YTHDF2: variants seen among roughly 807,000 people sequenced by gnomAD.
YTHDF2 encodes the protein YTH domain-containing family protein 2.
YTHDF2 carries 2 observed loss-of-function variants against 50.4 expected under a neutral mutation model. The ratio of observed to expected loss-of-function variants is 0.04; its 90% CI spans 0.02 to 0.12. The LOEUF (loss-of-function observed/expected upper bound fraction) is 0.12, where lower values mean the gene tolerates loss of function less well. YTHDF2 is among the 10% of genes least tolerant of loss of function. The pLI is 1.00. For missense variants in YTHDF2, 483 were observed against 722.6 expected (o/e 0.67, Z 3.80); for synonymous variants, 217 against 255.6 (o/e 0.85, Z 1.44).
In YTHDF2 at chr1:28,769,054, C is replaced by G; in HGVS notation, c.*102C>G. Reference sequence around the variant, plus strand: ...AGGACTTTTTTCTTAATTTCACTGACTTCAGAGACGATTGCAGACTTGCAG... The same window carrying G: ...AGGACTTTTTTCTTAATTTCACTGAGTTCAGAGACGATTGCAGACTTGCAG... On this transcript the variant is annotated 3_prime_UTR_variant, in exon 5 of 5. Transcript: ENST00000373812. The G allele has an allele frequency of 1.0e-6, 1 of 987,370 alleles. No individual in the cohort carries two copies. The highest frequency in any genetic ancestry group is 1.4e-6 in the Non-Finnish European group (1 of 693,022). The allele number at this position is 987,370 out of a possible 1,614,324, so 61.2% of individuals were successfully genotyped here. A position where few individuals can be genotyped will look rare whatever the true frequency, so the allele number is the denominator to read the frequency against.
At position 28,743,346 on chromosome 1, in the gene YTHDF2, G is replaced by T; in HGVS notation, c.1076G>T (p.Ser359Ile). Residue 359 changes from serine (S) to isoleucine (I), a missense_variant, in exon 4 of 5, where the codon AGT (serine) becomes ATT (isoleucine). By Grantham distance (142) the Ser-to-Ile change is moderately radical. This residue lies in a region of YTHDF2 where 385 missense variants were observed against 475.8 expected (regional missense o/e 0.81). Transcript: ENST00000373812. The surrounding 1 kb of genome is among the most constrained non-coding windows in gnomAD (Gnocchi z 6.9). ...TGGGTAGCACCTCGGAACCGTGGCA[G>T]TGGGTTCGGTCATAATGGGGTGGAT... The part of the protein sequence containing the change: ...TRWVAPRNRG[S>I]GFGHNGVDGN... The T allele has an allele frequency of 1.2e-6, 2 of 1,614,226 alleles. No individual in the cohort carries two copies. The highest frequency in any genetic ancestry group is 1.7e-6 in the Non-Finnish European group (2 of 1,180,044).
At position 28,737,060 on chromosome 1, in the gene YTHDF2, G is replaced by A; in HGVS notation, c.-61G>A. ...CTGCTCCCGCAGACGGGGCTCATCT[G>A]CCGCCGCCGCCGCGCTGAGGAGAGT... On this transcript the variant is annotated 5_prime_UTR_variant, in exon 1 of 5. Transcript: ENST00000373812. The A allele has an allele frequency of 2.8e-6, 4 of 1,420,864 alleles. No homozygotes were observed. Among genetic ancestry groups the A allele is most frequent in the Middle Eastern group, 2.1e-4 (1 of 4,816 alleles). 88.0% of individuals were successfully genotyped at this position (1,420,864 alleles called of 1,614,324 possible). A position where few individuals can be genotyped will look rare whatever the true frequency, so the allele number is the denominator to read the frequency against.
chr1:28,741,038 G>C (rs1375489877), intron 3 of YTHDF2, among the ~76,000 whole-genome samples: 1 of 147,028 alleles, frequency 6.8e-6, no homozygotes, highest in Non-Finnish European at 1.5e-5. Context: ...TTGCTCTGTT[G>C]CCCAGGCTGC....
At chr1:28,749,994 T>TG (rs1343837822) in intron 4 of YTHDF2, among the ~76,000 whole-genome samples, 2 of 143,582 alleles carry the variant, frequency 1.4e-5, no homozygotes, top group East Asian at 4.0e-4. Flanking sequence ...TTGTTTTTTT[T>TG]TTTTTTTTTT....
chr1:28,741,887 T>C (rs1466882555), intron 3 of YTHDF2, among the ~76,000 whole-genome samples: 1 of 152,238 alleles, frequency 6.6e-6, no homozygotes, highest in Non-Finnish European at 1.5e-5. Flanking sequence ...TGTGAAATGC[T>C]AAGTTTTCTC....
At position 28,737,022 on chromosome 1, in the gene YTHDF2, C is replaced by G. The variant is rs2087698206; in HGVS notation, c.-99C>G. ...CGCCGAGGCCCCCGAGTGTCAGGGA[C>G]AAAAGCCTCCGCCTGCTCCCGCAGA... On this transcript the variant is annotated 5_prime_UTR_variant, in exon 1 of 5. Transcript: ENST00000373812. 1.3e-6 allele frequency: 2 copies of G among 1,489,222 alleles called. No homozygotes were observed. The highest frequency in any genetic ancestry group is 9.1e-7 in the Non-Finnish European group (1 of 1,103,256). The allele number at this position is 1,489,222 out of a possible 1,614,324, so 92.3% of individuals were successfully genotyped here.
intron 4 of YTHDF2, among the ~76,000 whole-genome samples, chr1:28,759,556 A>C (rs1033569181): frequency 6.6e-6 from 1 of 152,220 alleles, no homozygotes; most frequent in South Asian, 2.1e-4. Context: ...TTCCTAGGAT[A>C]CCAACCTGTA....
chr1:28,749,149 A>G (rs1470271398), intron 4 of YTHDF2, among the ~76,000 whole-genome samples: 1 of 150,524 alleles, frequency 6.6e-6, no homozygotes, highest in Admixed American at 6.6e-5. Context: ...TATCTAGAAG[A>G]AGGCAACAGT....
At position 28,737,950 on chromosome 1, in the gene YTHDF2, T is replaced by C. The variant is rs1343372197; in HGVS notation, c.52+268T>C. 25 of 576,096 alleles carry C rather than the reference T, an allele frequency of 4.3e-5. No homozygotes were observed. In the Admixed American group the frequency reaches 7.9e-4, roughly 18 times the overall value. 35.7% of individuals were successfully genotyped at this position (576,096 alleles called of 1,614,324 possible). ...AGTTTCCTGTAGGTCTTAGAAGGCC[T>C]TTGTTTTTCATCCTCGTGGATCACT... On this transcript the variant is annotated intron_variant, in intron 2 of 4. Transcript: ENST00000373812.
At position 28,752,938 on chromosome 1, in the gene YTHDF2, A is replaced by C. The variant is rs181679686; in HGVS notation, c.1716+8952A>C. On this transcript the variant is annotated intron_variant, in intron 4 of 4. Coordinates refer to ENST00000373812, the MANE Select transcript of YTHDF2 (RefSeq NM_016258.3). ...GCGCATAACTAAAGTATAGCTACTC[A>C]GGAGGCTGAGGCAGGAGGATTGCTT... 3.9e-5 allele frequency among the ~76,000 whole-genome samples: 6 copies of C among 152,072 alleles called. No individual in the cohort carries two copies. In the East Asian group the frequency reaches 1.2e-3, roughly 29 times the overall value.
At chr1:28,766,488 G>A (rs2088218873) in intron 4 of YTHDF2, among the ~76,000 whole-genome samples, 1 of 152,146 alleles carries the variant, frequency 6.6e-6, no homozygotes, top group South Asian at 2.1e-4. Context: ...CCTTCTCAGT[G>A]CATCATACTG....
At chr1:28,737,368 G>A in intron 1 of YTHDF2, 1 of 641,394 alleles carries the variant, frequency 1.6e-6, no homozygotes. Flanking sequence ...GCCGCGCCGC[G>A]TTCCCTTCTC....
intron 4 of YTHDF2, among the ~76,000 whole-genome samples, chr1:28,767,524 T>A (rs888958830): frequency 1.3e-5 from 2 of 151,948 alleles, no homozygotes; most frequent in Admixed American, 6.6e-5. Context: ...TTATTTATTT[T>A]TTGAGATAGA....
chr1:28,738,428 C>T, intron 3 of YTHDF2, 90 bp downstream of exon 3: 11 of 1,161,812 alleles, frequency 9.5e-6, no homozygotes, highest in Non-Finnish European at 1.4e-5. Context: ...TCTGAGGATT[C>T]ATTTTTTTTT....
chr1:28,767,918 T>C (rs962190063), intron 4 of YTHDF2, among the ~76,000 whole-genome samples: 3 of 149,772 alleles, frequency 2.0e-5, no homozygotes, highest in African/African-American at 7.4e-5. Flanking sequence ...TAAAAAATTC[T>C]GAGGCCGGGC....
chr1:28,749,929 T>C (rs373209464), intron 4 of YTHDF2, among the ~76,000 whole-genome samples: 21 of 152,158 alleles, frequency 1.4e-4, no homozygotes, highest in African/African-American at 4.8e-4. Context: ...CAGTAGGATT[T>C]TTTGACTTTT....
At chr1:28,740,340 A>G (rs1174135377) in intron 3 of YTHDF2, 2 of 152,234 alleles carry the variant, frequency 1.3e-5, no homozygotes, top group African/African-American at 4.8e-5. Context: ...AGGTACAGAC[A>G]TTCAACTGTG....
intron 4 of YTHDF2, among the ~76,000 whole-genome samples, chr1:28,761,789 G>C (rs1330172623): frequency 6.6e-6 from 1 of 152,122 alleles, no homozygotes; most frequent in Non-Finnish European, 1.5e-5. Context: ...CAAACTGCTG[G>C]TCCCAGCCTC....
chr1:28,737,027 G>C lies in YTHDF2; in HGVS notation c.-94G>C. On this transcript the variant is annotated 5_prime_UTR_variant, in exon 1 of 5. Coordinates refer to ENST00000373812, the MANE Select transcript of YTHDF2 (RefSeq NM_016258.3). ...AGGCCCCCGAGTGTCAGGGACAAAA[G>C]CCTCCGCCTGCTCCCGCAGACGGGG... is the stretch of plus-strand genomic sequence containing the variant. 2 of 1,502,548 alleles carry C rather than the reference G, an allele frequency of 1.3e-6. No individual in the cohort carries two copies. Among genetic ancestry groups the C allele is most frequent in the South Asian group, 2.4e-5 (2 of 82,720 alleles). 93.1% of individuals were successfully genotyped at this position (1,502,548 alleles called of 1,614,324 possible).
Sources: allele counts gnomAD v4.1 joint callset (sites outside exome capture counted in the v4.1 genomes callset), GRCh38; gene constraint gnomAD v4.1.1; regional missense constraint gnomAD v4.1.1; non-coding constraint Gnocchi (gnomAD v3.1); transcripts MANE v1.5; gene names NCBI Gene and HGNC (gene_info 2026-07-23, HGNC 2026-07-21).